CHML: variants seen among roughly 807,000 people sequenced by gnomAD.
The protein encoded by CHML is rab proteins geranylgeranyltransferase component A 2.
CHML carries 20 observed loss-of-function variants against 30.4 expected under a neutral mutation model. The observed-to-expected ratio is 0.66, with a 90% confidence interval of 0.46 to 0.95. The LOEUF is 0.95. CHML is among the 40% of genes least tolerant of loss of function. The probability of loss-of-function intolerance (pLI) is 0.00; values close to 1 mark genes in which losing one functional copy is unlikely to be tolerated. For missense variants in CHML, 795 were observed against 768.5 expected, an observed-to-expected ratio of 1.03 and a Z score of -0.41; for synonymous variants, 281 against 275.0, an observed-to-expected ratio of 1.02 and a Z score of -0.22.
chr1:241,636,114 T>C (rs1664888017), intron 1 of CHML, 41 bp from the exon 2 acceptor site: 1 of 420,192 alleles, frequency 2.4e-6, no homozygotes, highest in Admixed American at 3.9e-5. Context: ...TTGTAAACAA[T>C]ATAAGAGAAA....
rs78290307 is a variant in CHML, at chr1:241,638,396, C to G, written c.-308+1486G>C. On this transcript the variant is annotated intron_variant, in intron 1 of 1. Transcript: ENST00000366553. ...CTCAGTACACCCTTGTGTTCAAACT[C>G]CCGGGCACGAAAACAGAATTTTCCA... is the stretch of plus-strand genomic sequence containing the variant. Among the ~76,000 whole-genome samples, 35 of 152,222 alleles carry G rather than the reference C, an allele frequency of 2.3e-4. No individual in the cohort carries two copies. In the South Asian group the frequency reaches 5.4e-3, roughly 24 times the overall value.
intron 1 of CHML, among the ~76,000 whole-genome samples, chr1:241,638,504 A>G (rs1345140136): frequency 6.6e-6 from 1 of 152,228 alleles, no homozygotes; most frequent in Non-Finnish European, 1.5e-5. Flanking sequence ...AACACTACTG[A>G]TGATACTTTA....
Position 241,640,271 on chromosome 1 carries a change from G to GC in CHML, c.-698dup, listed in dbSNP as rs1293451176. ...CGAGTACATGGCCCGGCGCCGGCGC[G>GC]CCTGGCGGGCGGAGGCGCTCAGCTT... On this transcript the variant is annotated 5_prime_UTR_variant, in exon 1 of 2. Transcript: ENST00000366553. 73 of 1,181,630 alleles carry GC rather than the reference G, an allele frequency of 6.2e-5. No individual in the cohort carries two copies. Among genetic ancestry groups the GC allele is most frequent in the Non-Finnish European group, 7.0e-5 (67 of 957,958 alleles). The allele number at this position is 1,181,630 out of a possible 1,614,324, so 73.2% of individuals were successfully genotyped here. A position where few individuals can be genotyped will look rare whatever the true frequency, so the allele number is the denominator to read the frequency against.
rs1664693244 is a variant in CHML, at chr1:241,632,725, C to CATTCCTA, written c.*1064_*1070dup. On this transcript the variant is annotated 3_prime_UTR_variant, in exon 2 of 2. Transcript: ENST00000366553. ...GGGCATGGTAAATCCTCCTTTGATT[C>CATTCCTA]ATTCCTATCAGTTATGTTATAGTGA... 6.6e-6 allele frequency: 1 copy of CATTCCTA among 152,104 alleles called. No individual in the cohort carries two copies. The highest frequency in any genetic ancestry group is 1.5e-5 in the Non-Finnish European group (1 of 68,006). 9.4% of individuals were successfully genotyped at this position (152,104 alleles called of 1,614,324 possible). A position where few individuals can be genotyped will look rare whatever the true frequency, so the allele number is the denominator to read the frequency against.
At position 241,630,815 on chromosome 1, in the gene CHML, T is replaced by C. The variant is rs1467057815; in HGVS notation, c.*2981A>G. The C allele has an allele frequency of 6.6e-6, 1 of 152,128 alleles. No homozygotes were observed. The highest frequency in any genetic ancestry group is 1.9e-4 in the East Asian group (1 of 5,196). The allele number at this position is 152,128 out of a possible 1,614,324, so 9.4% of individuals were successfully genotyped here. A position where few individuals can be genotyped will look rare whatever the true frequency, so the allele number is the denominator to read the frequency against. ...TGAATTTTTGAAAAGTTATCTGTAA[T>C]TAATACTTTGGATTTTACTATTTGT... is the stretch of plus-strand genomic sequence containing the variant. On this transcript the variant is annotated 3_prime_UTR_variant, in exon 2 of 2. Coordinates refer to ENST00000366553, the MANE Select transcript of CHML (RefSeq NM_001381853.1).
At chr1:241,639,172 T>C (rs1665015680) in intron 1 of CHML, 1 of 152,350 alleles carries the variant, frequency 6.6e-6, no homozygotes, top group East Asian at 1.9e-4. Context: ...CTAATTACAG[T>C]ATTTGTTCAC....
chr1:241,640,099 C>A lies in CHML; in HGVS notation c.-525G>T, dbSNP rs780826022. 6.2e-7 allele frequency: 1 copy of A among 1,607,476 alleles called. No individual in the cohort carries two copies. The highest frequency in any genetic ancestry group is 1.1e-5 in the South Asian group (1 of 90,462). ...GCAGGTTGTTGCCGACGCCCAGCAG[C>A]CCAATGGAGCCCAGCAGCAGCGCCA... On this transcript the variant is annotated 5_prime_UTR_variant, in exon 1 of 2. Transcript: ENST00000366553.
rs1202242883 is a variant in CHML, at chr1:241,630,910, T to A, written c.*2886A>T. Reference sequence around the variant, plus strand: ...TATAATCCTGAGTGATAGTAAATTATTTGTTGCTGTATTGTTTGCCAATAT... The same window carrying A: ...TATAATCCTGAGTGATAGTAAATTAATTGTTGCTGTATTGTTTGCCAATAT... On this transcript the variant is annotated 3_prime_UTR_variant, in exon 2 of 2. Coordinates refer to ENST00000366553, the MANE Select transcript of CHML (RefSeq NM_001381853.1). 1 of 152,102 alleles carries A rather than the reference T, an allele frequency of 6.6e-6. No individual in the cohort carries two copies. Among genetic ancestry groups the A allele is most frequent in the Non-Finnish European group, 1.5e-5 (1 of 67,930 alleles). 9.4% of individuals were successfully genotyped at this position (152,102 alleles called of 1,614,324 possible).
rs764694167 is a variant in CHML, at chr1:241,630,206, T to C, written c.*3590A>G. On this transcript the variant is annotated 3_prime_UTR_variant, in exon 2 of 2. Coordinates refer to ENST00000366553, the MANE Select transcript of CHML (RefSeq NM_001381853.1). ...AGTATACAACTGGTAAGTAGTGAAATGAGAACTGTAATTCTGGTTTTCAAA... is the reference window on the plus strand; with the variant it reads ...AGTATACAACTGGTAAGTAGTGAAACGAGAACTGTAATTCTGGTTTTCAAA... 6.6e-6 allele frequency: 1 copy of C among 152,036 alleles called. No homozygotes were observed. Among genetic ancestry groups the C allele is most frequent in the African/African-American group, 2.4e-5 (1 of 41,422 alleles). The allele number at this position is 152,036 out of a possible 1,614,324, so 9.4% of individuals were successfully genotyped here.
At chr1:241,636,288 T>C (rs1445551158) in intron 1 of CHML, among the ~76,000 whole-genome samples, 2 of 152,152 alleles carry the variant, frequency 1.3e-5, no homozygotes, top group African/African-American at 4.8e-5. Context: ...AACATAGTAA[T>C]AGAGAATGAA....
At position 241,635,775 on chromosome 1, in the gene CHML, G is replaced by A; in HGVS notation, c.-9C>T. ...GGAAGATTGTCCGCCATTTTAGGAA[G>A]TAACAGCGTCTGGTGACAACTGCTG... On this transcript the variant is annotated 5_prime_UTR_variant, in exon 2 of 2. Transcript: ENST00000366553. 1 of 1,603,260 alleles carries A rather than the reference G, an allele frequency of 6.2e-7. No individual in the cohort carries two copies. Among genetic ancestry groups the A allele is most frequent in the Non-Finnish European group, 8.5e-7 (1 of 1,173,334 alleles).
intron 1 of CHML, among the ~76,000 whole-genome samples, chr1:241,638,943 AAT>A (rs1249543440): frequency 1.3e-5 from 2 of 152,228 alleles, no homozygotes; most frequent in Non-Finnish European, 2.9e-5. Flanking sequence ...AGCCTTGAGA[AAT>A]ACACATTTCT....
rs532612646 is a variant in CHML, at chr1:241,632,350, A to C, written c.*1446T>G. ...GGTGTGTCTTTATCAACAGCATGAG[A>C]ACACACTAATACAGAGGGTACATGC... On this transcript the variant is annotated 3_prime_UTR_variant, in exon 2 of 2. Transcript: ENST00000366553. 4 of 152,312 alleles carry C rather than the reference A, an allele frequency of 2.6e-5. No homozygotes were observed. Among genetic ancestry groups the C allele is most frequent in the Admixed American group, 2.6e-4 (4 of 15,274 alleles). The allele number at this position is 152,312 out of a possible 1,614,324, so 9.4% of individuals were successfully genotyped here.
At position 241,639,870 on chromosome 1, in the gene CHML, A is replaced by T; in HGVS notation, c.-308+12T>A. The T allele has an allele frequency of 6.5e-7, 1 of 1,540,188 alleles. No homozygotes were observed. Among genetic ancestry groups the T allele is most frequent in the Non-Finnish European group, 8.8e-7 (1 of 1,141,688 alleles). ...TGCAGAGGGGAGGCTGCCTTCTCCC[A>T]GTCCAACTCACCGAAGAGGCTGCCG... On this transcript the variant is annotated intron_variant, in intron 1 of 1. Coordinates refer to ENST00000366553, the MANE Select transcript of CHML (RefSeq NM_001381853.1).
chr1:241,634,191 C>A lies in CHML; in HGVS notation c.1576G>T (p.Val526Leu). 1.9e-6 allele frequency: 3 copies of A among 1,613,956 alleles called. No homozygotes were observed. Among genetic ancestry groups the A allele is most frequent in the Non-Finnish European group, 1.7e-6 (2 of 1,179,884 alleles). ...GTATACGGAGTGAATAATTTCTTCA[C>A]CACTGATTCTAAGTCTTCTCTTGCT... is the stretch of plus-strand genomic sequence containing the variant. ...KTAREDLESV[V>L]KKLFTPYTET... Residue 526 changes from valine (V) to leucine (L), a missense_variant, in exon 2 of 2, where the codon GTG becomes TTG. Transcript: ENST00000366553.
chr1:241,639,846 G>C, intron 1 of CHML, 36 bp downstream of exon 1: 1 of 1,466,800 alleles, frequency 6.8e-7, no homozygotes, highest in Non-Finnish European at 9.1e-7. Flanking sequence ...GTGGAAGTTT[G>C]CAGAGGGGAG....
chr1:241,638,897 T>C (rs140416931), intron 1 of CHML, among the ~76,000 whole-genome samples: 99 of 152,314 alleles, frequency 6.5e-4, no homozygotes, highest in African/African-American at 2.3e-3. Context: ...AGCAATAAAG[T>C]ATCAATGGAT....
chr1:241,634,552 T>C lies in CHML; in HGVS notation c.1215A>G (p.Lys405=). 1 of 1,613,906 alleles carries C rather than the reference T, an allele frequency of 6.2e-7. No individual in the cohort carries two copies. The highest frequency in any genetic ancestry group is 8.5e-7 in the Non-Finnish European group (1 of 1,179,864). The change falls in exon 2 of 2, where the codon AAA becomes AAG. Residue 405 remains lysine (K), a synonymous_variant. Coordinates refer to ENST00000366553, the MANE Select transcript of CHML (RefSeq NM_001381853.1). The stretch of plus-strand genomic sequence containing the variant: ...CTTTGTCGACTACAAAGCATTGTAC[T>C]TTATGACGAAGACAATAGATTCCAC... ...VFGGIYCLRH[K]VQCFVVDKES...
At chr1:241,637,067 C>T (rs929413882) in intron 1 of CHML, among the ~76,000 whole-genome samples, 5 of 152,092 alleles carry the variant, frequency 3.3e-5, no homozygotes, top group African/African-American at 9.7e-5. Context: ...GTAGAAAGGC[C>T]AAGGTGCTGA....
Sources: gnomAD v4.1 joint callset for allele counts (sites outside exome capture counted in the v4.1 genomes callset) on GRCh38, gnomAD v4.1.1 for gene constraint, MANE v1.5 for transcripts, NCBI Gene and HGNC (gene_info 2026-07-23, HGNC 2026-07-21) for gene names.